The following ITPR2 variants were observed in gnomAD, a reference collection of about 807,000 sequenced individuals.
ITPR2 encodes the protein inositol 1,4,5-trisphosphate receptor type 2, also known as inositol 1,4,5-trisphosphate-gated calcium channel ITPR2.
Under a neutral mutation model 317.1 loss-of-function variants are expected in ITPR2, and 207 were observed. The observed-to-expected ratio is 0.65, with a 90% confidence interval of 0.58 to 0.73. The LOEUF (loss-of-function observed/expected upper bound fraction) is 0.73. ITPR2 is among the 30% of genes least tolerant of loss of function. ITPR2 has a pLI of 0.00. For synonymous variants in ITPR2, 1,156 were observed against 1,149.1 expected, an observed-to-expected ratio of 1.01 and a Z score of -0.12; for missense variants, 2,613 against 3,284.0, an observed-to-expected ratio of 0.80 and a Z score of 4.99.
intron 49 of ITPR2, among the ~76,000 whole-genome samples, chr12:26,424,580 TTTTGTG>T (rs1940989935): frequency 7.5e-6 from 1 of 133,436 alleles, no homozygotes; most frequent in Middle Eastern, 3.6e-3. Flanking sequence ...TTTGTTTTCG[TTTTGTG>T]TTTTTTTTTT....
In ITPR2 at chr12:26,814,724, C is replaced by T. The variant is rs560705050; in HGVS notation, c.92+17966G>A. 4.7e-4 allele frequency among the ~76,000 whole-genome samples: 72 copies of T among 152,228 alleles called. 1 individual carries two copies. Among genetic ancestry groups the T allele is most frequent in the African/African-American group, 1.7e-3 (70 of 41,538 alleles). On this transcript the variant is annotated intron_variant, in intron 1 of 56. Transcript: ENST00000381340. ...CCAATAATTTGTATACACGTATATA[C>T]TAAGTTTCCAATAAACAGTAAAATC... is the stretch of plus-strand genomic sequence containing the variant.
chr12:26,779,872 T>G (rs1950046366), intron 2 of ITPR2, among the ~76,000 whole-genome samples: 2 of 152,154 alleles, frequency 1.3e-5, no homozygotes, highest in Non-Finnish European at 2.9e-5. Flanking sequence ...GAAGCATGAT[T>G]GGAAAATTGG....
In ITPR2 at chr12:26,419,162, A is replaced by G; in HGVS notation, c.6997T>C (p.Phe2333Leu). Residue 2333 changes from phenylalanine to leucine, a missense_variant, in exon 50 of 57, where the codon TTC becomes CTC. By Grantham distance (22) the Phe-to-Leu change is conservative. This residue lies in a region of ITPR2 where 78 missense variants were observed against 110.3 expected (regional missense o/e 0.71). Coordinates refer to ENST00000381340, the MANE Select transcript of ITPR2 (RefSeq NM_002223.4). ...LVSFVGNRGT[F>L]TRGYRAVILD... ...ATGACTGCTCGGTACCCACGGGTGA[A>G]CGTGCCACGATTTCCAACAAAACTC... 6.2e-7 allele frequency: 1 copy of G among 1,613,750 alleles called. No individual in the cohort carries two copies. Among genetic ancestry groups the G allele is most frequent in the Non-Finnish European group, 8.5e-7 (1 of 1,179,770 alleles).
chr12:26,440,217 AAACAACAAC>A (rs549040091), intron 46 of ITPR2, among the ~76,000 whole-genome samples: 3 of 152,166 alleles, frequency 2.0e-5, no homozygotes, highest in African/African-American at 7.2e-5. Context: ...GAGACACACA[AAACAACAAC>A]AACAACAACA....
At chr12:26,517,858 A>G (rs1290534246) in intron 37 of ITPR2, among the ~76,000 whole-genome samples, 1 of 152,240 alleles carries the variant, frequency 6.6e-6, no homozygotes, top group East Asian at 1.9e-4. Context: ...AAACAAAACA[A>G]AACAAAAACT....
chr12:26,406,217 T>C (rs1940343249), intron 52 of ITPR2, among the ~76,000 whole-genome samples: 2 of 152,114 alleles, frequency 1.3e-5, no homozygotes, highest in Non-Finnish European at 2.9e-5. Flanking sequence ...TCTTTTCTAT[T>C]AAAGTAAAAT....
At chr12:26,712,538 T>G (rs924307906) in intron 8 of ITPR2, among the ~76,000 whole-genome samples, 2 of 152,178 alleles carry the variant, frequency 1.3e-5, no homozygotes, top group Non-Finnish European at 2.9e-5. Flanking sequence ...CTAATCACAC[T>G]GGCCACTGTG....
chr12:26,802,222 C>G (rs1235443057), intron 1 of ITPR2, among the ~76,000 whole-genome samples: 1 of 151,884 alleles, frequency 6.6e-6, no homozygotes, highest in Non-Finnish European at 1.5e-5. Flanking sequence ...TCAGTTGAGC[C>G]TGGGAAGTGG....
At chr12:26,784,845 C>G (rs1419998234) in intron 2 of ITPR2, among the ~76,000 whole-genome samples, 2 of 141,304 alleles carry the variant, frequency 1.4e-5, no homozygotes, top group African/African-American at 5.1e-5. Flanking sequence ...GCTGCCCAGT[C>G]TGGAAGGTGA....
At position 26,805,982 on chromosome 12, in the gene ITPR2, G is replaced by A. The variant is rs932595104; in HGVS notation, c.93-15755C>T. Among the ~76,000 whole-genome samples the A allele has an allele frequency of 2.6e-5, 4 of 152,106 alleles. No individual in the cohort carries two copies. In the South Asian group the frequency reaches 8.3e-4, roughly 31 times the overall value. On this transcript the variant is annotated intron_variant, in intron 1 of 56. Transcript: ENST00000381340. ...AAAAGATCCCTCTGGCTGCTGGGTT[G>A]AGAATAGATAGACTGGTGGGGAAGA...
intron 2 of ITPR2, among the ~76,000 whole-genome samples, chr12:26,759,333 T>C (rs1258377988): frequency 6.6e-6 from 1 of 152,204 alleles, no homozygotes; most frequent in Non-Finnish European, 1.5e-5. Context: ...CCTTTGTCCA[T>C]GTAAATCAAA....
chr12:26,386,314 G>A (rs79418349), intron 55 of ITPR2, among the ~76,000 whole-genome samples: 1,808 of 152,250 alleles, frequency 0.012, 42 homozygotes, highest in African/African-American at 0.04. Context: ...GAAGAATGCA[G>A]AGAAAACAAC....
At chr12:26,784,767 G>A (rs1023527625) in intron 2 of ITPR2, among the ~76,000 whole-genome samples, 4 of 149,046 alleles carry the variant, frequency 2.7e-5, no homozygotes, top group African/African-American at 9.8e-5. Context: ...CCACCACCCC[G>A]TCTGGGAAGT....
intron 48 of ITPR2, among the ~76,000 whole-genome samples, chr12:26,431,331 G>A (rs759262511): frequency 6.6e-6 from 1 of 152,156 alleles, no homozygotes; most frequent in African/African-American, 2.4e-5. Flanking sequence ...GAAATCCTGG[G>A]TAGGGATATC....
chr12:26,733,702 A>G (rs2137067260), intron 2 of ITPR2, among the ~76,000 whole-genome samples: 1 of 152,302 alleles, frequency 6.6e-6, no homozygotes, highest in South Asian at 2.1e-4. Flanking sequence ...CATTAATGCT[A>G]ATTTGTATTC....
At chr12:26,645,101 C>G (rs1284740243) in intron 21 of ITPR2, among the ~76,000 whole-genome samples, 1 of 152,196 alleles carries the variant, frequency 6.6e-6, no homozygotes, top group East Asian at 1.9e-4. Context: ...GCTTTCCCTC[C>G]CATTCTACTG....
chr12:26,654,056 C>T lies in ITPR2; in HGVS notation c.2660G>A (p.Arg887Lys), dbSNP rs1947319222. The change falls in exon 21 of 57, where the codon AGA (arginine) becomes AAA (lysine). Residue 887 changes from arginine (R) to lysine (K), a missense_variant. This residue lies in a region of ITPR2 where 817 missense variants were observed against 897.6 expected (regional missense o/e 0.91). Transcript: ENST00000381340. ...YSFSELLRLT[R>K]TLLAILDIVQ... ...AATGTCTAAAATAGCCAGAAGTGTT[C>T]TTGTTAGCCTTAATAACTCACTGAA... The T allele has an allele frequency of 7.1e-7, 1 of 1,415,116 alleles. No homozygotes were observed. The highest frequency in any genetic ancestry group is 1.2e-5 in the South Asian group (1 of 85,170). The allele number at this position is 1,415,116 out of a possible 1,614,324, so 87.7% of individuals were successfully genotyped here. A position where few individuals can be genotyped will look rare whatever the true frequency, so the allele number is the denominator to read the frequency against.
At chr12:26,392,837 T>C (rs1307734190) in intron 54 of ITPR2, among the ~76,000 whole-genome samples, 1 of 152,228 alleles carries the variant, frequency 6.6e-6, no homozygotes, top group Non-Finnish European at 1.5e-5. Flanking sequence ...TTCTGACCTA[T>C]CATCAAATCC....
At chr12:26,534,382 C>T (rs1246367361) in intron 37 of ITPR2, among the ~76,000 whole-genome samples, 1 of 152,152 alleles carries the variant, frequency 6.6e-6, no homozygotes, top group Non-Finnish European at 1.5e-5. Context: ...TTGATCTCAA[C>T]TAAGATAAAT....
Sources: allele counts gnomAD v4.1 joint callset (sites outside exome capture counted in the v4.1 genomes callset), GRCh38; gene constraint gnomAD v4.1.1; regional missense constraint gnomAD v4.1.1; transcripts MANE v1.5; gene names NCBI Gene and HGNC (gene_info 2026-07-23, HGNC 2026-07-21).